The following MAP4K3 variants were observed in gnomAD, a reference collection of about 807,000 sequenced individuals.
The protein encoded by MAP4K3 is mitogen-activated protein kinase kinase kinase kinase 3, also known as MAPK/ERK kinase kinase kinase 3.
Under a neutral mutation model 143.5 loss-of-function variants are expected in MAP4K3, and 94 were observed. The observed-to-expected ratio is 0.65, with a 90% CI of 0.55 to 0.78. The LOEUF (loss-of-function observed/expected upper bound fraction) is 0.78. Ranked by LOEUF, MAP4K3 falls within the 30% of genes least tolerant of loss-of-function variation. The pLI, the probability that MAP4K3 is intolerant of heterozygous loss-of-function variation, is 0.00. For missense variants in MAP4K3, 1,077 were observed against 1,068.1 expected (o/e 1.01, Z -0.12); for synonymous variants, 416 against 347.2 (o/e 1.20, Z -2.20).
chr2:39,436,914 C>T lies in MAP4K3; in HGVS notation c.74G>A (p.Gly25Asp). The T allele has an allele frequency of 6.2e-7, 1 of 1,611,896 alleles. No individual in the cohort carries two copies. Among genetic ancestry groups the T allele is most frequent in the South Asian group, 1.1e-5 (1 of 90,932 alleles). ...DFELIQRIGS[G>D]TYGDVYKARN... is the part of the protein sequence containing the mutation. ...TACCTTGTAGACGTCGCCGTAGGTG[C>T]CGCTGCCGATGCGCTGAATCAGCTC... Residue 25 changes from glycine (G) to aspartate (D), a missense_variant, in exon 1 of 34, where the codon GGC becomes GAC. By Grantham distance (94) the Gly-to-Asp change is moderately conservative (BLOSUM62 -1). Coordinates refer to ENST00000263881, the MANE Select transcript of MAP4K3 (RefSeq NM_003618.4).
chr2:39,363,420 C>T (rs1665824860), intron 2 of MAP4K3, among the ~76,000 whole-genome samples: 1 of 152,178 alleles, frequency 6.6e-6, no homozygotes, highest in Non-Finnish European at 1.5e-5. Flanking sequence ...GTTATCCCAG[C>T]ACTTTTGGAG....
intron 16 of MAP4K3, among the ~76,000 whole-genome samples, chr2:39,296,269 GA>G (rs1682278971): frequency 6.6e-6 from 1 of 152,140 alleles, no homozygotes; most frequent in Non-Finnish European, 1.5e-5. Context: ...AAGAGAAAAT[GA>G]AATATGGCTA....
chr2:39,271,186 G>A (rs567059186), intron 26 of MAP4K3, among the ~76,000 whole-genome samples: 11 of 152,182 alleles, frequency 7.2e-5, no homozygotes, highest in East Asian at 3.9e-4. Flanking sequence ...TATATTCAGC[G>A]TAGGTAAAAT....
intron 12 of MAP4K3, among the ~76,000 whole-genome samples, chr2:39,322,474 C>T (rs1683339905): frequency 1.3e-5 from 2 of 151,920 alleles, no homozygotes; most frequent in South Asian, 4.2e-4. Context: ...ATTAGAATTA[C>T]ACCAGTGTGT....
intron 15 of MAP4K3, 57 bp from the exon 16 acceptor site, chr2:39,299,858 C>T: frequency 1.3e-6 from 1 of 745,182 alleles, no homozygotes; most frequent in Non-Finnish European, 2.1e-6. Context: ...CACCATGATA[C>T]ATTAATATAT....
At chr2:39,300,995 A>G (rs1299376017) in intron 15 of MAP4K3, among the ~76,000 whole-genome samples, 2 of 152,242 alleles carry the variant, frequency 1.3e-5, no homozygotes, top group Non-Finnish European at 2.9e-5. Flanking sequence ...TCCCATAAAT[A>G]AAACTTCAGC....
chr2:39,336,993 A>T (rs201194112), intron 5 of MAP4K3, 26 bp from the exon 6 acceptor site: 16 of 1,210,328 alleles, frequency 1.3e-5, no homozygotes, highest in Middle Eastern at 2.0e-4. Flanking sequence ...ACAGAAAAAT[A>T]AACAAGATTT....
intron 29 of MAP4K3, among the ~76,000 whole-genome samples, chr2:39,259,761 T>C (rs1680490595): frequency 6.6e-6 from 1 of 152,234 alleles, no homozygotes. Flanking sequence ...ATATAAATTA[T>C]TTCCCTTTTG....
At chr2:39,427,869 A>G (rs1665144385) in intron 1 of MAP4K3, among the ~76,000 whole-genome samples, 1 of 152,208 alleles carries the variant, frequency 6.6e-6, no homozygotes, top group Non-Finnish European at 1.5e-5. Context: ...GTGAAACATT[A>G]TCTACCACAT....
chr2:39,370,700 C>T (rs1313125013), intron 2 of MAP4K3, among the ~76,000 whole-genome samples: 1 of 152,156 alleles, frequency 6.6e-6, no homozygotes, highest in African/African-American at 2.4e-5. Flanking sequence ...GTTTATCAAC[C>T]TCAGTAGTTT....
chr2:39,301,291 G>C (rs772051426), intron 15 of MAP4K3, among the ~76,000 whole-genome samples: 1 of 152,098 alleles, frequency 6.6e-6, no homozygotes, highest in Non-Finnish European at 1.5e-5. Context: ...TGTCACACTG[G>C]TATCACACAA....
At chr2:39,253,792 A>T (rs748640876) in intron 32 of MAP4K3, among the ~76,000 whole-genome samples, 41 of 152,214 alleles carry the variant, frequency 2.7e-4, no homozygotes, top group Non-Finnish European at 4.7e-4. Flanking sequence ...CGTGCTTGTA[A>T]CATTCTAGGG....
chr2:39,423,416 G>A (rs1188192742), intron 1 of MAP4K3, among the ~76,000 whole-genome samples: 2 of 152,172 alleles, frequency 1.3e-5, no homozygotes, highest in East Asian at 3.8e-4. Flanking sequence ...ACACTCTTTG[G>A]TATTTGCCCA....
intron 2 of MAP4K3, among the ~76,000 whole-genome samples, chr2:39,360,752 AG>A (rs911110043): frequency 1.3e-5 from 2 of 152,114 alleles, no homozygotes; most frequent in African/African-American, 4.8e-5. Context: ...TATGGGCAAA[AG>A]GGGGAAAAGC....
intron 22 of MAP4K3, among the ~76,000 whole-genome samples, chr2:39,281,446 T>A (rs1412521918): frequency 1.3e-5 from 2 of 152,166 alleles, no homozygotes; most frequent in Non-Finnish European, 2.9e-5. Flanking sequence ...TAGAAACATG[T>A]CTTTAGGATG....
At chr2:39,374,928 TTAA>T (rs1294182980) in intron 2 of MAP4K3, among the ~76,000 whole-genome samples, 1 of 152,156 alleles carries the variant, frequency 6.6e-6, no homozygotes, top group Non-Finnish European at 1.5e-5. Flanking sequence ...TATTTCAGAC[TTAA>T]TTTTTGTTTC....
In MAP4K3 at chr2:39,286,832, T is replaced by G. The variant is rs371263419; in HGVS notation, c.1587+20A>C. The stretch of plus-strand genomic sequence containing the variant: ...AAAAGGAAACAAATACAAGTAGAAC[T>G]TATGACTATCAATACCTACTGGTAC... On this transcript the variant is annotated intron_variant, in intron 21 of 33. Coordinates refer to ENST00000263881, the MANE Select transcript of MAP4K3 (RefSeq NM_003618.4). 2.5e-5 allele frequency: 37 copies of G among 1,508,846 alleles called. No individual in the cohort carries two copies. The highest frequency in any genetic ancestry group is 1.4e-5 in the African/African-American group (1 of 72,632). 93.5% of individuals were successfully genotyped at this position (1,508,846 alleles called of 1,614,324 possible). A position where few individuals can be genotyped will look rare whatever the true frequency, so the allele number is the denominator to read the frequency against.
intron 1 of MAP4K3, among the ~76,000 whole-genome samples, chr2:39,402,529 T>C (rs1309720328): frequency 6.6e-6 from 1 of 151,712 alleles, no homozygotes; most frequent in Non-Finnish European, 1.5e-5. Context: ...CAAATGCTCG[T>C]AAAAGGAAAA....
intron 28 of MAP4K3, chr2:39,260,998 G>T (rs778047153): frequency 4.4e-5 from 18 of 409,954 alleles, no homozygotes; most frequent in Non-Finnish European, 6.1e-5. Flanking sequence ...GGACATTAAG[G>T]CTGGAAGGGA....
Sources: gnomAD v4.1 joint callset for allele counts (sites outside exome capture counted in the v4.1 genomes callset) on GRCh38, gnomAD v4.1.1 for gene constraint, MANE v1.5 for transcripts, NCBI Gene and HGNC (gene_info 2026-07-23, HGNC 2026-07-21) for gene names.